Variants in CDK20 observed in about 807,000 individuals in gnomAD.
CDK20 encodes cyclin dependent kinase 20.
Under a neutral mutation model 38.6 loss-of-function variants are expected in CDK20, and 40 were observed. The ratio of observed to expected loss-of-function variants is 1.04; its 90% confidence interval spans 0.81 to 1.35. CDK20 has a LOEUF of 1.35. Among genes scored for constraint, CDK20 ranks in the 40% most tolerant of loss-of-function variants. The pLI is 0.00. For missense variants in CDK20, 512 were observed against 452.6 expected (o/e 1.13, Z -1.19); for synonymous variants, 209 against 185.7 (o/e 1.13, Z -1.02).
chr9:87,970,896 TC>T lies in CDK20; in HGVS notation c.379del (p.Asp127ThrfsTer2). The T allele has an allele frequency of 6.2e-7, 1 of 1,614,082 alleles. No homozygotes were observed. Among genetic ancestry groups the T allele is most frequent in the Non-Finnish European group, 8.5e-7 (1 of 1,179,990 alleles). ...FCHANNIVHRDLKPANLLISA... is the reference protein window; with the variant it reads ...FCHANNIVHRXLKPANLLISA... ...GATGAGCAGGTTGGCAGGTTTCAGG[TC>T]CTGGGAGTACCAAAAGAAGCATCAG... On this transcript the variant is annotated frameshift_variant and splice_region_variant, in exon 4 of 8. Coordinates refer to ENST00000325303, the MANE Select transcript of CDK20 (RefSeq NM_001039803.3). LOFTEE classifies it high-confidence loss of function.
chr9:87,974,127 C>A, intron 1 of CDK20, 92 bp from the exon 2 acceptor site: 1 of 1,591,666 alleles, frequency 6.3e-7, no homozygotes, highest in South Asian at 1.1e-5. Flanking sequence ...GAGAGAGACA[C>A]GCGCCCCCGG....
chr9:87,970,045 C>G, intron 5 of CDK20, 126 bp from the exon 6 acceptor site: 1 of 1,103,954 alleles, frequency 9.1e-7, no homozygotes, highest in Non-Finnish European at 1.3e-6. Context: ...GCCTCACGTC[C>G]AGAGGCCCAG....
chr9:87,972,022 G>A (rs2118285544), intron 2 of CDK20, among the ~76,000 whole-genome samples: 1 of 152,216 alleles, frequency 6.6e-6, no homozygotes, highest in Non-Finnish European at 1.5e-5. Context: ...TGGGCAACAT[G>A]GTGAAACCTT....
At chr9:87,971,006 C>T (rs1829811435) in intron 3 of CDK20, 109 bp from the exon 4 acceptor site, 13 of 1,529,374 alleles carry the variant, frequency 8.5e-6, no homozygotes, top group Non-Finnish European at 1.1e-5. Flanking sequence ...CCACCTCCTC[C>T]AGGGCCATGC....
At chr9:87,974,222 G>A in intron 1 of CDK20, 150 bp downstream of exon 1, 1 of 1,226,696 alleles carries the variant, frequency 8.2e-7, no homozygotes. Context: ...TGTGCGGAGG[G>A]AAGCGCAACG....
chr9:87,973,135 TCA>T lies in CDK20; in HGVS notation c.189+785_189+786del, dbSNP rs28364940. On this transcript the variant is annotated intron_variant, in intron 2 of 7. Coordinates refer to ENST00000325303, the MANE Select transcript of CDK20 (RefSeq NM_001039803.3). ...CCAATATATCATGCATATCTCCAGA[TCA>T]CAGAGACCCAACCCTGTTAACTCTC... 1.2e-3 allele frequency among the ~76,000 whole-genome samples: 187 copies of T among 152,290 alleles called. 2 individuals are homozygous for T. The highest frequency in any genetic ancestry group is 1.7e-3 in the East Asian group (9 of 5,184).
At position 87,967,284 on chromosome 9, in the gene CDK20, T is replaced by C. The variant is rs1332905976; in HGVS notation, c.*178A>G. On this transcript the variant is annotated 3_prime_UTR_variant, in exon 8 of 8. Coordinates refer to ENST00000325303, the MANE Select transcript of CDK20 (RefSeq NM_001039803.3). ...GCTCGACTGGATGTTCTCATACTCT[T>C]GGCTGGGAACATGACCTCTGCCTCG... is the stretch of plus-strand genomic sequence containing the variant. 3 of 718,546 alleles carry C rather than the reference T, an allele frequency of 4.2e-6. No homozygotes were observed. The East Asian group carries it at 8.1e-5, about 19-fold the overall frequency. 44.5% of individuals were successfully genotyped at this position (718,546 alleles called of 1,614,324 possible).
chr9:87,969,671 T>G, intron 6 of CDK20, 125 bp downstream of exon 6: 1 of 1,429,342 alleles, frequency 7.0e-7, no homozygotes, highest in Non-Finnish European at 9.6e-7. Context: ...GCCAGGACAG[T>G]GGTCCCTGTC....
intron 2 of CDK20, among the ~76,000 whole-genome samples, chr9:87,972,775 C>T (rs949954661): frequency 2.0e-5 from 3 of 152,144 alleles, no homozygotes; most frequent in Admixed American, 6.6e-5. Context: ...ATGTAGGGAC[C>T]ATATCACCAG....
In CDK20 at chr9:87,969,670, G is replaced by A. The variant is rs1829710044; in HGVS notation, c.687+126C>T. On this transcript the variant is annotated intron_variant, in intron 6 of 7. Transcript: ENST00000325303. ...GGAAGCCCTGAGTTGGGCCAGGACA[G>A]TGGTCCCTGTCCATCAAGGGGGGTT... The A allele has an allele frequency of 4.1e-6, 6 of 1,449,094 alleles. No homozygotes were observed. In the Admixed American group the frequency reaches 1.2e-4, roughly 28 times the overall value. 89.8% of individuals were successfully genotyped at this position (1,449,094 alleles called of 1,614,324 possible). A position where few individuals can be genotyped will look rare whatever the true frequency, so the allele number is the denominator to read the frequency against.
intron 2 of CDK20, among the ~76,000 whole-genome samples, chr9:87,972,145 C>CA (rs1829906247): frequency 6.6e-6 from 1 of 152,034 alleles, no homozygotes; most frequent in Non-Finnish European, 1.5e-5. Context: ...GTTGAGACTA[C>CA]AGGGAGACAA....
At chr9:87,970,080 C>A (rs535591675) in intron 5 of CDK20, 161 bp from the exon 6 acceptor site, 1 of 739,802 alleles carries the variant, frequency 1.4e-6, no homozygotes, top group Admixed American at 3.1e-5. Context: ...AAGCCCTCAA[C>A]CCTAGAACCC....
chr9:87,969,378 A>G (rs1829688225), intron 6 of CDK20, 29 bp from the exon 7 acceptor site: 5 of 1,611,410 alleles, frequency 3.1e-6, no homozygotes, highest in Non-Finnish European at 4.2e-6. Flanking sequence ...ACAGGGTACA[A>G]TGAGAGTAGT....
intron 2 of CDK20, among the ~76,000 whole-genome samples, chr9:87,971,857 T>C (rs567480885): frequency 6.6e-6 from 1 of 152,096 alleles, no homozygotes; most frequent in Non-Finnish European, 1.5e-5. Flanking sequence ...ACAAACAGTT[T>C]AACAAATAAA....
intron 2 of CDK20, among the ~76,000 whole-genome samples, chr9:87,972,832 G>T (rs1339444980): frequency 6.6e-6 from 1 of 152,196 alleles, no homozygotes; most frequent in Non-Finnish European, 1.5e-5. Flanking sequence ...CTGTCTGGAA[G>T]CCCTTTTATC....
In CDK20 at chr9:87,969,802, G is replaced by A. The variant is rs376165656; in HGVS notation, c.681C>T (p.Val227=). 36 of 1,613,642 alleles carry A rather than the reference G, an allele frequency of 2.2e-5. 1 individual carries two copies. In the South Asian group the frequency reaches 2.3e-4, roughly 10 times the overall value. ...LRILGTPNPQ[V]WPELTELPDY... ...ACCAAGGGCCCCTACAAACCGGCCA[G>A]ACTTGAGGGTTTGGGGTGCCCAAGA... The change falls in exon 6 of 8, where the codon GTC becomes GTT. Residue 227 remains valine, a synonymous_variant. Transcript: ENST00000325303.
intron 2 of CDK20, 148 bp from the exon 3 acceptor site, chr9:87,971,483 A>T (rs550264329): frequency 2.9e-6 from 2 of 687,976 alleles, no homozygotes; most frequent in Non-Finnish European, 4.9e-6. Context: ...GCTAAGAATC[A>T]GAGAGCTCGA....
intron 2 of CDK20, among the ~76,000 whole-genome samples, chr9:87,972,071 G>C (rs1355201615): frequency 2.0e-5 from 3 of 152,108 alleles, no homozygotes; most frequent in African/African-American, 7.2e-5. Context: ...CAGGCATGGT[G>C]ACACGTGCCT....
intron 2 of CDK20, among the ~76,000 whole-genome samples, 178 bp downstream of exon 2, chr9:87,973,744 A>C (rs1324142133): frequency 6.6e-6 from 1 of 152,206 alleles, no homozygotes; most frequent in Non-Finnish European, 1.5e-5. Context: ...AAAGGTGAAC[A>C]AGTGGACAAA....
Sources: allele counts gnomAD v4.1 joint callset (sites outside exome capture counted in the v4.1 genomes callset), GRCh38; gene constraint gnomAD v4.1.1; transcripts MANE v1.5; gene names NCBI Gene and HGNC (gene_info 2026-07-23, HGNC 2026-07-21).